Variants in RASA2 observed in about 807,000 individuals in gnomAD.
RASA2 encodes ras GTPase-activating protein 2.
In RASA2, 155 loss-of-function variants were observed where a neutral mutation model predicts 118.2. That is an observed-to-expected ratio of 1.31 (90% CI 1.15 to 1.50). The LOEUF (loss-of-function observed/expected upper bound fraction) is 1.50, where lower values mean the gene tolerates loss of function less well. Among genes scored for constraint, RASA2 ranks in the 40% most tolerant of loss-of-function variants. The pLI is 0.00. For synonymous variants in RASA2, 353 were observed against 349.1 expected (o/e 1.01, Z -0.12); for missense variants, 1,016 against 1,009.6 (o/e 1.01, Z -0.09).
intron 19 of RASA2, among the ~76,000 whole-genome samples, chr3:141,602,311 T>G (rs1305365316): frequency 6.6e-6 from 1 of 152,210 alleles, no homozygotes; most frequent in African/African-American, 2.4e-5. Flanking sequence ...GGGATGAAAT[T>G]GTTTTACCTC....
chr3:141,566,966 G>T (rs2082829734), intron 9 of RASA2, among the ~76,000 whole-genome samples: 1 of 152,078 alleles, frequency 6.6e-6, no homozygotes, highest in South Asian at 2.1e-4. Flanking sequence ...GGTTCAAACA[G>T]CAATGCTTAA....
intron 5 of RASA2, among the ~76,000 whole-genome samples, chr3:141,542,825 TTATATC>T (rs1020363529): frequency 7.2e-5 from 11 of 152,190 alleles, no homozygotes; most frequent in African/African-American, 2.4e-4. Flanking sequence ...TAATCTGTCT[TTATATC>T]TATAATTTTG....
rs779933474 is a variant in RASA2 at position 141,555,847 on chromosome 3, C to T, written c.619C>T (p.Gln207Ter). 1.2e-6 allele frequency: 2 copies of T among 1,611,262 alleles called. No individual in the cohort carries two copies. The highest frequency in any genetic ancestry group is 1.7e-6 in the Non-Finnish European group (2 of 1,178,466). ...VSLVGPSRNDQKKTKVKKKTS... is the reference protein window; with the variant it reads ...VSLVGPSRND ...TCTACCACATTGGAACAGGAATGAC[C>T]AAAAGAAGACAAAAGTAAAGAAGAA... Residue 207 changes from glutamine to a stop codon, truncating the protein, a stop_gained, in exon 7 of 24, where the codon CAA (glutamine) becomes TAA (stop). Coordinates refer to ENST00000286364, the MANE Select transcript of RASA2 (RefSeq NM_006506.5). LOFTEE classifies it high-confidence loss of function.
chr3:141,572,029 C>CATATATATATATATATATATAT (rs10568210), intron 11 of RASA2, among the ~76,000 whole-genome samples: 3 of 121,462 alleles, frequency 2.5e-5, no homozygotes, highest in Non-Finnish European at 3.4e-5. Flanking sequence ...TTTAAAAAAA[C>CATATATATATATATATATATAT]ATATATATAT....
intron 4 of RASA2, among the ~76,000 whole-genome samples, chr3:141,537,533 C>A (rs2082344831): frequency 6.6e-6 from 1 of 152,094 alleles, no homozygotes; most frequent in African/African-American, 2.4e-5. Context: ...CTTTGGGAGG[C>A]CAAGGCGGGA....
At chr3:141,592,885 AAAG>A (rs907559763) in intron 19 of RASA2, among the ~76,000 whole-genome samples, 10 of 152,128 alleles carry the variant, frequency 6.6e-5, no homozygotes, top group Non-Finnish European at 2.9e-5. Flanking sequence ...TGAAAAAAAA[AAAG>A]AAGAGTCCTG....
At chr3:141,562,577 C>CG (rs80250302) in intron 9 of RASA2, among the ~76,000 whole-genome samples, 150,689 of 150,700 alleles carry the variant, frequency 1, 75,339 homozygotes, top group Middle Eastern at 1. Context: ...AAGCTGAGAT[C>CG]CACCACTGCA....
At chr3:141,559,477 T>G (rs980406601) in intron 8 of RASA2, among the ~76,000 whole-genome samples, 11 of 152,056 alleles carry the variant, frequency 7.2e-5, no homozygotes, top group African/African-American at 2.4e-4. Context: ...TAACAGTGTG[T>G]TCATCTAGAT....
chr3:141,580,380 A>G lies in RASA2; in HGVS notation c.1603A>G (p.Ile535Val), dbSNP rs143035190. The change falls in exon 16 of 24, where the codon ATT (isoleucine) becomes GTT (valine). Residue 535 changes from isoleucine to valine, a missense_variant. By Grantham distance (29) the Ile-to-Val change is conservative. This residue lies in a region of RASA2 where 896 missense variants were observed against 836.4 expected (regional missense o/e 1.07). Transcript: ENST00000286364. ...LRPHHPDAQT[I>V]RTLTLISKTI... Reference sequence around the variant, plus strand: ...TTACATTCTTTAGGATGCACAGACAATTAGAACATTAACTCTCATCTCAAA... The same window carrying G: ...TTACATTCTTTAGGATGCACAGACAGTTAGAACATTAACTCTCATCTCAAA... The G allele has an allele frequency of 2.8e-3, 4,559 of 1,606,504 alleles. 27 individuals carry two copies. Among genetic ancestry groups the G allele is most frequent in the Middle Eastern group, 9.9e-3 (57 of 5,786 alleles).
At position 141,487,187 on chromosome 3, in the gene RASA2, GA is replaced by G; in HGVS notation, c.105del (p.Val36CysfsTer24). ...EAGDQDSREV[R>X]VLQSLRGKIC... ...GGGGACCAGGACAGTCGCGAGGTTC[GA>G]GTGTTGCAGAGCCTGCGGGGCAAGA... On this transcript the variant is annotated frameshift_variant, in exon 1 of 24. Coordinates refer to ENST00000286364, the MANE Select transcript of RASA2 (RefSeq NM_006506.5). LOFTEE classifies it high-confidence loss of function. The G allele has an allele frequency of 6.9e-7, 1 of 1,458,674 alleles. No individual in the cohort carries two copies. Among genetic ancestry groups the G allele is most frequent in the Non-Finnish European group, 9.1e-7 (1 of 1,095,144 alleles). The allele number at this position is 1,458,674 out of a possible 1,614,324, so 90.4% of individuals were successfully genotyped here.
chr3:141,507,719 T>G (rs1279159720), intron 1 of RASA2, among the ~76,000 whole-genome samples: 1 of 152,330 alleles, frequency 6.6e-6, no homozygotes, highest in Admixed American at 6.5e-5. Flanking sequence ...TACTAGGACT[T>G]CAACAAATAC....
At position 141,558,852 on chromosome 3, in the gene RASA2, A is replaced by T. The variant is rs550124080; in HGVS notation, c.685-34A>T. The stretch of plus-strand genomic sequence containing the variant: ...AGCTGTAGGAAAAATGTATTTTTTT[A>T]AAAAAAATTTTTACTAAAATATTTT... On this transcript the variant is annotated intron_variant, in intron 7 of 23. Transcript: ENST00000286364. 172 of 1,466,136 alleles carry T rather than the reference A, an allele frequency of 1.2e-4. No individual in the cohort carries two copies. The Admixed American group carries it at 1.2e-3, about 10-fold the overall frequency. The allele number at this position is 1,466,136 out of a possible 1,614,324, so 90.8% of individuals were successfully genotyped here.
At chr3:141,539,081 AC>A (rs1280813859) in intron 4 of RASA2, among the ~76,000 whole-genome samples, 1 of 152,214 alleles carries the variant, frequency 6.6e-6, no homozygotes, top group Non-Finnish European at 1.5e-5. Context: ...GCCAAGTAAT[AC>A]ATACATGCTG....
At chr3:141,570,305 C>G (rs1348842119) in intron 9 of RASA2, among the ~76,000 whole-genome samples, 1 of 151,930 alleles carries the variant, frequency 6.6e-6, no homozygotes, top group East Asian at 1.9e-4. Flanking sequence ...CACTGCAACT[C>G]CGCCTCCTGA....
chr3:141,488,303 T>G (rs1423620563), intron 1 of RASA2, among the ~76,000 whole-genome samples: 1 of 152,234 alleles, frequency 6.6e-6, no homozygotes, highest in Non-Finnish European at 1.5e-5. Flanking sequence ...ATTGGAAACA[T>G]GCTTCATGTT....
intron 3 of RASA2, among the ~76,000 whole-genome samples, chr3:141,521,495 G>A (rs912182482): frequency 1.1e-4 from 17 of 152,126 alleles, no homozygotes; most frequent in African/African-American, 4.1e-4. Context: ...CTCTTTACAT[G>A]TTATAATCTT....
In RASA2 at chr3:141,586,548, C is replaced by T. The variant is rs546604035; in HGVS notation, c.1827-98C>T. On this transcript the variant is annotated intron_variant, in intron 18 of 23. Coordinates refer to ENST00000286364, the MANE Select transcript of RASA2 (RefSeq NM_006506.5). ...TTTTTATATATTTAATATAATCTTA[C>T]ACTACTATTCATGTCATTTAAAGTT... 3.1e-4 allele frequency: 224 copies of T among 727,378 alleles called. 4 individuals carry two copies. The highest frequency in any genetic ancestry group is 2.3e-3 in the African/African-American group (128 of 55,964). 45.1% of individuals were successfully genotyped at this position (727,378 alleles called of 1,614,324 possible).
At chr3:141,509,690 T>C (rs994351513) in intron 1 of RASA2, among the ~76,000 whole-genome samples, 7 of 152,114 alleles carry the variant, frequency 4.6e-5, no homozygotes, top group African/African-American at 1.7e-4. Flanking sequence ...AAAATAGAAT[T>C]GCTAGACAGT....
Position 141,487,205 on chromosome 3 carries a change from G to A in RASA2, c.122G>A (p.Arg41Gln), listed in dbSNP as rs1414943487. 2.8e-6 allele frequency: 4 copies of A among 1,442,072 alleles called. No homozygotes were observed. The highest frequency in any genetic ancestry group is 2.3e-5 in the Admixed American group (1 of 43,956). The allele number at this position is 1,442,072 out of a possible 1,614,324, so 89.3% of individuals were successfully genotyped here. Residue 41 changes from arginine to glutamine, a missense_variant, in exon 1 of 24, where the codon CGG becomes CAG. By Grantham distance (43) the Arg-to-Gln change is conservative (BLOSUM62 1). Transcript: ENST00000286364. ...GAGGTTCGAGTGTTGCAGAGCCTGC[G>A]GGGCAAGATCTGTAAGCGGGGGCTG... Reference protein sequence around the residue: ...SREVRVLQSLRGKICEAKNLL... With the variant: ...SREVRVLQSLQGKICEAKNLL...
Sources: gnomAD v4.1 joint callset for allele counts (sites outside exome capture counted in the v4.1 genomes callset) on GRCh38, gnomAD v4.1.1 for gene constraint, gnomAD v4.1.1 regional missense constraint, MANE v1.5 for transcripts, NCBI Gene and HGNC (gene_info 2026-07-23, HGNC 2026-07-21) for gene names.